Variants in HIVEP3 observed in about 807,000 individuals in gnomAD.
The protein encoded by HIVEP3 is HIVEP zinc finger 3.
A neutral mutation model predicts 152.8 loss-of-function variants in HIVEP3; 49 were observed. That is an observed-to-expected ratio of 0.32 (90% confidence interval 0.26 to 0.41). The LOEUF (loss-of-function observed/expected upper bound fraction) is 0.41. HIVEP3 is among the 10% of genes least tolerant of loss of function. The probability of loss-of-function intolerance (pLI) is 1.00; values close to 1 mark genes in which losing one functional copy is unlikely to be tolerated. For missense variants in HIVEP3, 2,790 were observed against 3,103.3 expected (o/e 0.90, Z 2.40); for synonymous variants, 1,269 against 1,289.0 (o/e 0.98, Z 0.33).
intron 5 of HIVEP3, among the ~76,000 whole-genome samples, chr1:41,526,228 C>A (rs917060840): frequency 6.6e-6 from 1 of 151,778 alleles, no homozygotes. Context: ...CACCACCACA[C>A]CCCCACCCTC....
At chr1:41,527,010 T>A (rs1642973579) in intron 5 of HIVEP3, among the ~76,000 whole-genome samples, 1 of 61,772 alleles carries the variant, frequency 1.6e-5, no homozygotes. Flanking sequence ...CACACTCGCT[T>A]ACACCCCCAC....
intron 3 of HIVEP3, among the ~76,000 whole-genome samples, chr1:41,603,390 C>A (rs1210996286): frequency 2.0e-5 from 3 of 151,182 alleles, no homozygotes; most frequent in Non-Finnish European, 4.4e-5. Context: ...TAGATGGAGT[C>A]TCACTGTCAC....
At chr1:41,527,240 A>ACAC (rs1642997401) in intron 5 of HIVEP3, among the ~76,000 whole-genome samples, 1 of 28,882 alleles carries the variant, frequency 3.5e-5, no homozygotes, top group Non-Finnish European at 7.1e-5. Context: ...TCACACACTC[A>ACAC]CCTCACACAC....
rs1216071199 is a variant in HIVEP3 at position 41,584,913 on chromosome 1, G to A, written c.-116C>T. The A allele has an allele frequency of 5.9e-6, 6 of 1,025,564 alleles. No individual in the cohort carries two copies. The highest frequency in any genetic ancestry group is 2.8e-5 in the Admixed American group (1 of 35,698). The allele number at this position is 1,025,564 out of a possible 1,614,324, so 63.5% of individuals were successfully genotyped here. On this transcript the variant is annotated 5_prime_UTR_variant, in exon 4 of 9. Coordinates refer to ENST00000372583, the MANE Select transcript of HIVEP3 (RefSeq NM_024503.5). The surrounding 1 kb of genome is among the most constrained non-coding windows in gnomAD (Gnocchi z 5.2). ...TTTGGCCACATTGGTCAAGAGCTGT[G>A]GGAGCCAAACCCAAGACGGCTTTGG... is the stretch of plus-strand genomic sequence containing the variant.
chr1:41,527,108 TCACACACCCTCTTCCTCA>T (rs1642983130), intron 5 of HIVEP3, among the ~76,000 whole-genome samples: 2 of 90,324 alleles, frequency 2.2e-5, no homozygotes, highest in Non-Finnish European at 4.4e-5. Context: ...ACACTCACCC[TCACACACCCTCTTCCTCA>T]CACACACCCT....
chr1:41,748,386 C>T (rs1433374746), intron 1 of HIVEP3, among the ~76,000 whole-genome samples: 1 of 152,204 alleles, frequency 6.6e-6, no homozygotes, highest in Non-Finnish European at 1.5e-5. Flanking sequence ...TATCTTTGTT[C>T]TGTTCATGAC....
intron 1 of HIVEP3, among the ~76,000 whole-genome samples, chr1:41,828,377 T>G (rs1642863581): frequency 6.6e-6 from 1 of 152,256 alleles, no homozygotes; most frequent in Non-Finnish European, 1.5e-5. Flanking sequence ...TCTCCTTATT[T>G]AGAACTCCTA....
intron 1 of HIVEP3, among the ~76,000 whole-genome samples, chr1:41,789,164 C>T (rs558939200): frequency 1.3e-5 from 2 of 152,228 alleles, no homozygotes; most frequent in African/African-American, 4.8e-5. Flanking sequence ...CCTGCAGCAG[C>T]GGAGGTAGGT....
At chr1:41,754,730 C>A (rs913797474) in intron 1 of HIVEP3, among the ~76,000 whole-genome samples, 1 of 152,162 alleles carries the variant, frequency 6.6e-6, no homozygotes, top group Non-Finnish European at 1.5e-5. Context: ...CCAAACTCTT[C>A]TACTCAGATC....
At chr1:41,777,015 G>C (rs1444299910) in intron 1 of HIVEP3, among the ~76,000 whole-genome samples, 2 of 152,154 alleles carry the variant, frequency 1.3e-5, no homozygotes, top group African/African-American at 4.8e-5. Flanking sequence ...TTCAGCCCAG[G>C]ACTTGGACTC....
At chr1:41,658,854 G>A (rs1358761185) in intron 2 of HIVEP3, among the ~76,000 whole-genome samples, 1 of 152,170 alleles carries the variant, frequency 6.6e-6, no homozygotes, top group African/African-American at 2.4e-5. Context: ...CCTTCCAGAT[G>A]GACCACCTGA....
intron 5 of HIVEP3, among the ~76,000 whole-genome samples, chr1:41,529,616 C>T (rs1177466274): frequency 7.7e-6 from 1 of 129,728 alleles, no homozygotes; most frequent in Non-Finnish European, 1.7e-5. Context: ...TCACATCACT[C>T]ACCCCACACC....
Position 41,513,357 on chromosome 1 carries a change from C to T in HIVEP3, c.5864G>A (p.Gly1955Asp), listed in dbSNP as rs559229222. Reference protein sequence around the residue: ...APLGSVEKDTGSALSYKPVSP... With the variant: ...APLGSVEKDTDSALSYKPVSP... ...CACAGGCTTGTAGCTCAAGGCTGAG[C>T]CTGTGTCTTTCTCCACAGAGCCCAG... Residue 1955 changes from glycine to aspartate, a missense_variant, in exon 8 of 9, where the codon GGC (glycine) becomes GAC (aspartate). This residue lies in a region of HIVEP3 where 816 missense variants were observed against 806.5 expected (regional missense o/e 1.01). Coordinates refer to ENST00000372583, the MANE Select transcript of HIVEP3 (RefSeq NM_024503.5). 3 of 1,612,720 alleles carry T rather than the reference C, an allele frequency of 1.9e-6. No individual in the cohort carries two copies. In the East Asian group the frequency reaches 6.7e-5, roughly 36 times the overall value.
At chr1:41,948,642 A>G (rs1645088201) in intron 1 of HIVEP3, among the ~76,000 whole-genome samples, 1 of 152,184 alleles carries the variant, frequency 6.6e-6, no homozygotes, top group African/African-American at 2.4e-5. Context: ...TCAGAAGAAG[A>G]AATGGAATGG....
At chr1:41,644,693 C>CTTTTTTTTTTTTTTTTTTTTTT (rs60511656) in intron 2 of HIVEP3, among the ~76,000 whole-genome samples, 1 of 74,738 alleles carries the variant, frequency 1.3e-5, no homozygotes, top group Non-Finnish European at 2.4e-5. Flanking sequence ...CATATCTGTT[C>CTTTTTTTTTTTTTTTTTTTTTT]TTTTTTTTTT....
rs1407074852 is a variant in HIVEP3 at position 41,649,493 on chromosome 1, C to T, written c.-720-20546G>A. Reference sequence around the variant, plus strand: ...TTTGTTAAATACACGAATCCTTGAACATCTGTTGAGCTGCATATGGCTGCT... The same window carrying T: ...TTTGTTAAATACACGAATCCTTGAATATCTGTTGAGCTGCATATGGCTGCT... On this transcript the variant is annotated intron_variant, in intron 2 of 8. Coordinates refer to ENST00000372583, the MANE Select transcript of HIVEP3 (RefSeq NM_024503.5). 2.8e-4 allele frequency among the ~76,000 whole-genome samples: 43 copies of T among 152,250 alleles called. 2 individuals carry two copies. The highest frequency in any genetic ancestry group is 2.8e-3 in the Admixed American group (43 of 15,290).
At position 41,918,688 on chromosome 1, in the gene HIVEP3, G is replaced by A. The variant is rs949211014; in HGVS notation, c.-1076C>T. On this transcript the variant is annotated 5_prime_UTR_variant, in exon 1 of 9. Coordinates refer to ENST00000372583, the MANE Select transcript of HIVEP3 (RefSeq NM_024503.5). The surrounding 1 kb of genome is among the most constrained non-coding windows in gnomAD (Gnocchi z 4.3). ...ACCAAACTAGGCAGCTGGATAATGG[G>A]AGAGTCGGCTGGTTGTGAGCATGCT... The A allele has an allele frequency of 1.3e-5, 2 of 152,216 alleles. No individual in the cohort carries two copies. The highest frequency in any genetic ancestry group is 6.5e-5 in the Admixed American group (1 of 15,288). 9.4% of individuals were successfully genotyped at this position (152,216 alleles called of 1,614,324 possible). A position where few individuals can be genotyped will look rare whatever the true frequency, so the allele number is the denominator to read the frequency against.
chr1:41,926,829 T>C (rs1644970634), intron 1 of HIVEP3, among the ~76,000 whole-genome samples: 1 of 152,310 alleles, frequency 6.6e-6, no homozygotes. Flanking sequence ...AAAAACCCTA[T>C]GGAGTTTTAG....
At chr1:41,807,665 A>G (rs927194112) in intron 1 of HIVEP3, among the ~76,000 whole-genome samples, 5 of 152,214 alleles carry the variant, frequency 3.3e-5, no homozygotes, top group African/African-American at 4.8e-5. Flanking sequence ...CAGAGTCACA[A>G]GGAAACAGAT....
Sources: allele counts gnomAD v4.1 joint callset (sites outside exome capture counted in the v4.1 genomes callset), GRCh38; gene constraint gnomAD v4.1.1; regional missense constraint gnomAD v4.1.1; non-coding constraint Gnocchi (gnomAD v3.1); transcripts MANE v1.5; gene names NCBI Gene and HGNC (gene_info 2026-07-23, HGNC 2026-07-21).